The following METTL21A variants were observed in gnomAD, a reference collection of about 807,000 sequenced individuals.
The protein encoded by METTL21A is protein N-lysine methyltransferase METTL21A.
In METTL21A, 22 loss-of-function variants were observed where a neutral mutation model predicts 20.9. The observed-to-expected ratio is 1.05, with a 90% CI of 0.75 to 1.50. METTL21A has a LOEUF of 1.50. METTL21A is among the 40% of genes most tolerant of loss of function. The pLI, the probability that METTL21A is intolerant of heterozygous loss-of-function variation, is 0.00. For missense variants in METTL21A, 271 were observed against 266.8 expected, an observed-to-expected ratio of 1.02 and a Z score of -0.11; for synonymous variants, 93 against 102.0, an observed-to-expected ratio of 0.91 and a Z score of 0.53.
At chr2:207,591,533 A>G (rs983307376) in intron 3 of METTL21A, among the ~76,000 whole-genome samples, 6 of 152,182 alleles carry the variant, frequency 3.9e-5, no homozygotes, top group African/African-American at 1.4e-4. Flanking sequence ...CCCTGATTCA[A>G]GTGATTCTCG....
At chr2:207,618,536 T>C (rs1440105357) in intron 3 of METTL21A, among the ~76,000 whole-genome samples, 2 of 151,754 alleles carry the variant, frequency 1.3e-5, no homozygotes, top group Non-Finnish European at 2.9e-5. Flanking sequence ...CCATCTCTAT[T>C]AAAAATACAA....
intron 3 of METTL21A, chr2:207,602,881 G>T (rs529483784): frequency 3.2e-5 from 7 of 217,776 alleles, no homozygotes; most frequent in Non-Finnish European, 6.5e-5. Context: ...CATGTCAGTT[G>T]TAACTCCCCC....
At chr2:207,605,793 C>T (rs190625426), downstream of METTL21A, among the ~76,000 whole-genome samples, 34 of 152,310 alleles carry the variant, frequency 2.2e-4, no homozygotes, top group Admixed American at 1.4e-3. Context: ...TAGGTCTACA[C>T]AAGTTGTATC....
downstream of METTL21A, chr2:207,612,722 C>T (rs1475097141): frequency 5.0e-6 from 1 of 200,190 alleles, no homozygotes; most frequent in Non-Finnish European, 1.0e-5. Context: ...CATTTAAAGA[C>T]TTCTTTATAC....
chr2:207,624,270 C>T, exon 2 of METTL21A: 1 of 1,613,458 alleles, frequency 6.2e-7, no homozygotes, highest in Non-Finnish European at 8.5e-7. Context: ...TGTCTCCAGT[C>T]CTGCCGGATC....
downstream of METTL21A, among the ~76,000 whole-genome samples, chr2:207,604,128 G>A (rs962993582): frequency 3.9e-5 from 6 of 152,150 alleles, no homozygotes; most frequent in Non-Finnish European, 8.8e-5. Context: ...AATCGGAATC[G>A]GGTCACCCTG....
At chr2:207,584,294 T>C (rs1479426407) in intron 3 of METTL21A, among the ~76,000 whole-genome samples, 1 of 152,254 alleles carries the variant, frequency 6.6e-6, no homozygotes, top group East Asian at 1.9e-4. Context: ...GAGAGTTCAG[T>C]TGCTTTGTAT....
At chr2:207,623,567 C>T (rs973128592) in intron 2 of METTL21A, among the ~76,000 whole-genome samples, 4 of 152,202 alleles carry the variant, frequency 2.6e-5, no homozygotes, top group Non-Finnish European at 5.9e-5. Flanking sequence ...AAGAGACTAA[C>T]TCGGCTGGGC....
rs972944697 is a variant in METTL21A at position 207,582,130 on chromosome 2, A to G, written c.*17T>C. On this transcript the variant is annotated 3_prime_UTR_variant, in exon 4 of 4. Coordinates refer to the METTL21A transcript ENST00000425132. ...CCATTTTTCTCTTTGTCCAGCCCAT[A>G]TTCAAGGGGAGGAGAATTAAATTCC... 14 of 702,850 alleles carry G rather than the reference A, an allele frequency of 2.0e-5. No homozygotes were observed. The East Asian group carries it at 2.4e-4, about 12-fold the overall frequency. The allele number at this position is 702,850 out of a possible 1,614,324, so 43.5% of individuals were successfully genotyped here.
intron 3 of METTL21A, among the ~76,000 whole-genome samples, chr2:207,593,719 C>CTTTT (rs5838079): frequency 1.9e-5 from 2 of 102,674 alleles, no homozygotes; most frequent in South Asian, 3.6e-4. Context: ...TCCTCACAAA[C>CTTTT]TTTTTTTTTT....
intron 3 of METTL21A, among the ~76,000 whole-genome samples, chr2:207,594,094 A>G (rs1352616230): frequency 6.6e-6 from 1 of 152,212 alleles, no homozygotes; most frequent in Non-Finnish European, 1.5e-5. Flanking sequence ...AGGTTAAGTA[A>G]TAAGATTGTG....
chr2:207,617,092 A>G (rs2089861923), intron 3 of METTL21A, among the ~76,000 whole-genome samples: 1 of 152,244 alleles, frequency 6.6e-6, no homozygotes, highest in South Asian at 2.1e-4. Flanking sequence ...ACCCAATAGG[A>G]CAACACAGTA....
chr2:207,605,217 T>G (rs1351875043), downstream of METTL21A, among the ~76,000 whole-genome samples: 1 of 152,198 alleles, frequency 6.6e-6, no homozygotes, highest in Non-Finnish European at 1.5e-5. Flanking sequence ...TCTCCACACC[T>G]TCACCAACAC....
At chr2:207,623,500 A>C (rs1347108743) in intron 2 of METTL21A, among the ~76,000 whole-genome samples, 2 of 152,192 alleles carry the variant, frequency 1.3e-5, no homozygotes, top group Non-Finnish European at 2.9e-5. Context: ...GGAAAACTTA[A>C]AGAAAACACA....
downstream of METTL21A, chr2:207,612,551 A>T (rs2089119876): frequency 6.6e-6 from 1 of 152,402 alleles, no homozygotes; most frequent in Non-Finnish European, 1.5e-5. Context: ...TTTAGGACCT[A>T]AACAGGGCAA....
intron 3 of METTL21A, among the ~76,000 whole-genome samples, chr2:207,621,483 A>G (rs565306122): frequency 6.6e-6 from 1 of 152,320 alleles, no homozygotes; most frequent in South Asian, 2.1e-4. Flanking sequence ...CATGGGTAAG[A>G]TTATTCTCCT....
chr2:207,622,683 G>A (rs1386915411), intron 2 of METTL21A, among the ~76,000 whole-genome samples: 1 of 152,160 alleles, frequency 6.6e-6, no homozygotes, highest in Non-Finnish European at 1.5e-5. Context: ...CGCCCCACAG[G>A]GGCCCTCACC....
intron 3 of METTL21A, among the ~76,000 whole-genome samples, chr2:207,616,341 G>T (rs2089737002): frequency 6.6e-6 from 1 of 152,202 alleles, no homozygotes; most frequent in Non-Finnish European, 1.5e-5. Context: ...ATAGATAAAG[G>T]CCTTCTCTAA....
downstream of METTL21A, among the ~76,000 whole-genome samples, chr2:207,604,217 C>T (rs542346938): frequency 6.6e-6 from 1 of 152,300 alleles, no homozygotes; most frequent in African/African-American, 2.4e-5. Context: ...ACAAGACCAT[C>T]CTTGAGAAGT....
Sources: gnomAD v4.1 joint callset for allele counts (sites outside exome capture counted in the v4.1 genomes callset) on GRCh38, gnomAD v4.1.1 for gene constraint, MANE v1.5 for transcripts, NCBI Gene and HGNC (gene_info 2026-07-23, HGNC 2026-07-21) for gene names.